The following REEP1 variants were observed in gnomAD, a reference collection of about 807,000 sequenced individuals.
REEP1 encodes receptor expression-enhancing protein 1.
REEP1 carries 22 observed loss-of-function variants against 40.3 expected under a neutral mutation model. That is an observed-to-expected ratio of 0.55 (90% confidence interval 0.39 to 0.78). The LOEUF is 0.78. Among genes scored for constraint, REEP1 ranks in the 30% least tolerant of loss-of-function variants. The pLI is 0.00. For synonymous variants in REEP1, 116 were observed against 139.2 expected (o/e 0.83, Z 1.17); for missense variants, 280 against 361.1 (o/e 0.78, Z 1.82).
intron 1 of REEP1, among the ~76,000 whole-genome samples, chr2:86,310,132 G>A (rs528104956): frequency 2.4e-4 from 36 of 152,308 alleles, no homozygotes; most frequent in African/African-American, 8.2e-4. Context: ...TAAGGGTCAT[G>A]TCTGTCTTAT....
chr2:86,321,407 T>C (rs1355515254), intron 1 of REEP1, among the ~76,000 whole-genome samples: 8 of 152,050 alleles, frequency 5.3e-5, no homozygotes, highest in Admixed American at 5.2e-4. Context: ...AAGAAAGACA[T>C]CCAATATTAC....
At chr2:86,281,987 G>T (rs1678120324) in intron 2 of REEP1, among the ~76,000 whole-genome samples, 183 bp downstream of exon 2, 1 of 152,130 alleles carries the variant, frequency 6.6e-6, no homozygotes, top group African/African-American at 2.4e-5. Context: ...AACGCTCTAG[G>T]TCTAGGCAGG....
At chr2:86,218,612 C>G (rs977334772) in intron 8 of REEP1, among the ~76,000 whole-genome samples, 5 of 152,206 alleles carry the variant, frequency 3.3e-5, no homozygotes, top group Admixed American at 1.3e-4. Context: ...TAAACAAAAG[C>G]AAAACAGCAC....
chr2:86,303,303 G>A (rs1014127229), intron 1 of REEP1, among the ~76,000 whole-genome samples: 11 of 133,400 alleles, frequency 8.2e-5, no homozygotes, highest in African/African-American at 2.8e-4. Flanking sequence ...TGCAAGCTCC[G>A]CCTCCCAGGT....
In REEP1 at chr2:86,266,596, G is replaced by A. The variant is rs182707973; in HGVS notation, c.106-2555C>T. ...ATTGCGCCACTGCAGTCCGCAGTCCGGCCTGGGCGACAGAGCGAGACTCCA... is the reference window on the plus strand; with the variant it reads ...ATTGCGCCACTGCAGTCCGCAGTCCAGCCTGGGCGACAGAGCGAGACTCCA... On this transcript the variant is annotated intron_variant, in intron 2 of 8. Transcript: ENST00000538924. Among the ~76,000 whole-genome samples the A allele has an allele frequency of 4.4e-3, 670 of 151,276 alleles. 9 individuals carry two copies. The highest frequency in any genetic ancestry group is 0.031 in the East Asian group (159 of 5,156).
intron 1 of REEP1, among the ~76,000 whole-genome samples, chr2:86,322,832 G>A (rs1272574108): frequency 6.6e-6 from 1 of 152,022 alleles, no homozygotes; most frequent in Admixed American, 6.5e-5. Context: ...AGACCAGAAG[G>A]ATCCCTTAAG....
chr2:86,321,885 C>A (rs1457688403), intron 1 of REEP1, among the ~76,000 whole-genome samples: 1 of 152,126 alleles, frequency 6.6e-6, no homozygotes, highest in Non-Finnish European at 1.5e-5. Flanking sequence ...AGAGTGTCTG[C>A]CTCACCAATT....
At chr2:86,240,523 T>TTGGGCCAGGGCGTGAGAGTGGACGAAA (rs1252662202) in intron 5 of REEP1, among the ~76,000 whole-genome samples, 10 of 152,122 alleles carry the variant, frequency 6.6e-5, no homozygotes, top group Non-Finnish European at 2.9e-5. Context: ...GGGAAGTGCT[T>TTGGGCCAGGGCGTGAGAGTGGACGAAA]TGGGCCAGGG....
intron 2 of REEP1, among the ~76,000 whole-genome samples, chr2:86,277,218 A>C (rs925849767): frequency 2.0e-5 from 3 of 152,158 alleles, no homozygotes; most frequent in African/African-American, 7.2e-5. Flanking sequence ...TGGAAGTCAA[A>C]CAGCCTTGGG....
rs1171927571 is a variant in REEP1 at position 86,253,224 on chromosome 2, T to C, written c.304-1154A>G. On this transcript the variant is annotated intron_variant, in intron 4 of 8. Transcript: ENST00000538924. ...GGAGCCCAGGAGGCAGAGGTTGCAG[T>C]GAGCCGAGATCGTGCCACTGCACTC... Among the ~76,000 whole-genome samples, 3 of 152,238 alleles carry C rather than the reference T, an allele frequency of 2.0e-5. No homozygotes were observed. In the East Asian group the frequency reaches 5.8e-4, roughly 29 times the overall value.
At chr2:86,238,158 A>C (rs1372479391) in intron 5 of REEP1, among the ~76,000 whole-genome samples, 1 of 152,200 alleles carries the variant, frequency 6.6e-6, no homozygotes, top group African/African-American at 2.4e-5. Flanking sequence ...TCCAGCCTGG[A>C]CAACAAGAGC....
At chr2:86,263,223 TTTTG>T (rs751283936) in intron 3 of REEP1, among the ~76,000 whole-genome samples, 33 of 152,152 alleles carry the variant, frequency 2.2e-4, no homozygotes, top group Non-Finnish European at 3.4e-4. Flanking sequence ...ATATATTAGT[TTTTG>T]TTTGTTTGTT....
chr2:86,215,645 CAG>C lies in REEP1; in HGVS notation c.*1392_*1393del, dbSNP rs1434431653. 1 of 152,630 alleles carries C rather than the reference CAG, an allele frequency of 6.6e-6. No homozygotes were observed. The highest frequency in any genetic ancestry group is 2.4e-5 in the African/African-American group (1 of 41,448). 9.5% of individuals were successfully genotyped at this position (152,630 alleles called of 1,614,324 possible). On this transcript the variant is annotated 3_prime_UTR_variant, in exon 9 of 9. Transcript: ENST00000538924. ...TATTCTTATATTTCGGCTCAGCTCT[CAG>C]TGGGGAGAGCAGCTACCTCGGACCA...
At chr2:86,251,139 T>G (rs1676248284) in intron 5 of REEP1, among the ~76,000 whole-genome samples, 1 of 152,132 alleles carries the variant, frequency 6.6e-6, no homozygotes, top group South Asian at 2.1e-4. Context: ...CCACACATGG[T>G]TGTTGGGGAA....
chr2:86,288,767 T>G (rs2104419594), intron 1 of REEP1, among the ~76,000 whole-genome samples: 1 of 148,402 alleles, frequency 6.7e-6, no homozygotes, highest in South Asian at 2.2e-4. Flanking sequence ...CTTGCCAAAC[T>G]TATATAGTCA....
At position 86,217,090 on chromosome 2, in the gene REEP1, T is replaced by C. The variant is rs1166704834; in HGVS notation, c.804A>G (p.Arg268=). The change falls in exon 9 of 9, where the codon CGA becomes CGG. Residue 268 remains arginine, a synonymous_variant. Transcript: ENST00000538924. ...AGGTACTTTTCTTCCTGAAGCGAGA[T>C]CGAAGGATTCTAGGCGGTGCCTGGT... is the stretch of plus-strand genomic sequence containing the variant. ...LPLEAPPRIL[R]SRFRKKSTSS... is the part of the protein sequence containing the mutation. 17 of 1,614,110 alleles carry C rather than the reference T, an allele frequency of 1.1e-5. No individual in the cohort carries two copies. Among genetic ancestry groups the C allele is most frequent in the Non-Finnish European group, 1.4e-5 (17 of 1,179,976 alleles).
chr2:86,313,146 G>A (rs570214434), intron 1 of REEP1, among the ~76,000 whole-genome samples: 27 of 152,154 alleles, frequency 1.8e-4, no homozygotes, highest in African/African-American at 5.8e-4. Flanking sequence ...GTCTTGCTCC[G>A]TCACCCAGGC....
chr2:86,304,258 C>G (rs926556710), intron 1 of REEP1, among the ~76,000 whole-genome samples: 1 of 152,146 alleles, frequency 6.6e-6, no homozygotes, highest in Admixed American at 6.5e-5. Flanking sequence ...AGCAACCAAG[C>G]CCTCGATTTC....
intron 7 of REEP1, among the ~76,000 whole-genome samples, chr2:86,225,805 G>A (rs2103996080): frequency 6.6e-6 from 1 of 152,322 alleles, no homozygotes; most frequent in Middle Eastern, 3.4e-3. Flanking sequence ...TGCAGGCCAG[G>A]CACGGCCCCT....
Sources: gnomAD v4.1 joint callset for allele counts (sites outside exome capture counted in the v4.1 genomes callset) on GRCh38, gnomAD v4.1.1 for gene constraint, MANE v1.5 for transcripts, NCBI Gene and HGNC (gene_info 2026-07-23, HGNC 2026-07-21) for gene names.